SLC24A1: variants seen among roughly 807,000 people sequenced by gnomAD.
SLC24A1 encodes solute carrier family 24 member 1.
SLC24A1 carries 52 observed loss-of-function variants against 88.1 expected under a neutral mutation model. That is an observed-to-expected ratio of 0.59 (90% confidence interval 0.47 to 0.74). The LOEUF is 0.74. SLC24A1 is among the 30% of genes least tolerant of loss of function. The pLI, the probability that SLC24A1 is intolerant of heterozygous loss-of-function variation, is 0.00. For missense variants in SLC24A1, 1,173 were observed against 1,363.3 expected, an observed-to-expected ratio of 0.86 and a Z score of 2.20; for synonymous variants, 455 against 498.0, an observed-to-expected ratio of 0.91 and a Z score of 1.15.
downstream of SLC24A1, among the ~76,000 whole-genome samples, chr15:65,657,330 G>A (rs1032849390): frequency 6.6e-6 from 1 of 152,100 alleles, no homozygotes; most frequent in African/African-American, 2.4e-5. Context: ...GTATTATCTA[G>A]AGCACAGAAT....
In SLC24A1 at chr15:65,654,889, C is replaced by T. The variant is rs534866117; in HGVS notation, c.*810C>T. 1.4e-5 allele frequency: 17 copies of T among 1,178,654 alleles called. No homozygotes were observed. Among genetic ancestry groups the T allele is most frequent in the Middle Eastern group, 3.7e-4 (1 of 2,708 alleles). 73.0% of individuals were successfully genotyped at this position (1,178,654 alleles called of 1,614,324 possible). A position where few individuals can be genotyped will look rare whatever the true frequency, so the allele number is the denominator to read the frequency against. On this transcript the variant is annotated 3_prime_UTR_variant, in exon 10 of 10. Transcript: ENST00000261892. ...CTGGGATTACAGGCGTCAGCCACCG[C>T]GCCTGGCCTATACCAGTATTTTCTA...
downstream of SLC24A1, chr15:65,659,063 A>G (rs1235054128): frequency 6.6e-6 from 1 of 152,186 alleles, no homozygotes; most frequent in African/African-American, 2.4e-5. Context: ...TATTTGAAAT[A>G]CGATATGGAA....
upstream of SLC24A1, among the ~76,000 whole-genome samples, chr15:65,620,430 C>T (rs2074283641): frequency 6.6e-6 from 1 of 152,190 alleles, no homozygotes; most frequent in Admixed American, 6.5e-5. Context: ...CCCTATCAAA[C>T]AGGTAATGTC....
intron 2 of SLC24A1, among the ~76,000 whole-genome samples, chr15:65,630,074 C>T (rs1286330728): frequency 1.3e-5 from 2 of 152,186 alleles, no homozygotes; most frequent in East Asian, 3.8e-4. Flanking sequence ...AGGCAGTCTC[C>T]CTCCTCAGCC....
intron 5 of SLC24A1, among the ~76,000 whole-genome samples, chr15:65,645,065 C>T (rs2075260292): frequency 6.6e-6 from 1 of 152,182 alleles, no homozygotes; most frequent in African/African-American, 2.4e-5. Flanking sequence ...ACCCAGCAAC[C>T]CCTGGATGGA....
Position 65,624,813 on chromosome 15 carries a change from AC to A in SLC24A1, c.737del (p.Pro246GlnfsTer15), listed in dbSNP as rs1357744872. The A allele has an allele frequency of 6.2e-7, 1 of 1,613,810 alleles. No individual in the cohort carries two copies. The highest frequency in any genetic ancestry group is 8.5e-7 in the Non-Finnish European group (1 of 1,179,894). On this transcript the variant is annotated frameshift_variant, in exon 2 of 10. Transcript: ENST00000261892. LOFTEE classifies it high-confidence loss of function. ...TCTTAAGAGAATAATGGAGGAAACC[AC>A]CCCAACCACTCTCAAGGGAATGTTT... ...NSLKRIMEET[T>X]PTTLKGMFDS...
chr15:65,654,761 A>G lies in SLC24A1; in HGVS notation c.*682A>G. The G allele has an allele frequency of 8.7e-7, 1 of 1,145,136 alleles. No homozygotes were observed. The highest frequency in any genetic ancestry group is 1.2e-6 in the Non-Finnish European group (1 of 867,966). The allele number at this position is 1,145,136 out of a possible 1,614,324, so 70.9% of individuals were successfully genotyped here. A position where few individuals can be genotyped will look rare whatever the true frequency, so the allele number is the denominator to read the frequency against. ...GCTCTTGTTGCCCAGGCTGGTGTGCAATGGCGTGATCTCGGCACACCACAA... is the reference window on the plus strand; with the variant it reads ...GCTCTTGTTGCCCAGGCTGGTGTGCGATGGCGTGATCTCGGCACACCACAA... On this transcript the variant is annotated 3_prime_UTR_variant, in exon 10 of 10. Coordinates refer to ENST00000261892, the MANE Select transcript of SLC24A1 (RefSeq NM_004727.3).
At chr15:65,636,474 T>G (rs912273187) in intron 2 of SLC24A1, among the ~76,000 whole-genome samples, 3 of 151,910 alleles carry the variant, frequency 2.0e-5, no homozygotes, top group African/African-American at 7.3e-5. Flanking sequence ...CCCAGCTACT[T>G]GGGAGGCTGA....
intron 9 of SLC24A1, 23 bp downstream of exon 9, chr15:65,652,831 A>G (rs755231749): frequency 6.4e-7 from 1 of 1,565,948 alleles, no homozygotes; most frequent in East Asian, 2.3e-5. Context: ...GTAACTTTCT[A>G]AGGGGTGTTA....
chr15:65,616,851 G>A (rs1204468397), intron 2 of SLC24A1, among the ~76,000 whole-genome samples: 1 of 152,036 alleles, frequency 6.6e-6, no homozygotes, highest in Non-Finnish European at 1.5e-5. Context: ...GGGTTTTTAT[G>A]GTTTTAGGTC....
At chr15:65,642,049 G>A (rs116812872) in intron 4 of SLC24A1, among the ~76,000 whole-genome samples, 4 of 152,172 alleles carry the variant, frequency 2.6e-5, no homozygotes, top group Admixed American at 2.6e-4. Flanking sequence ...GCATGGAATG[G>A]CTCTCGTGAC....
intron 2 of SLC24A1, among the ~76,000 whole-genome samples, chr15:65,634,740 C>CAAAAAAAAAAAAAAAAAGAAA (rs2074848732): frequency 2.2e-4 from 20 of 90,504 alleles, no homozygotes; most frequent in African/African-American, 2.5e-4. Flanking sequence ...TCAAAAGCAC[C>CAAAAAAAAAAAAAAAAAGAAA]AAAAAAAAAA....
intron 1 of SLC24A1, among the ~76,000 whole-genome samples, chr15:65,623,572 A>G (rs985520436): frequency 2.0e-5 from 3 of 152,274 alleles, no homozygotes; most frequent in African/African-American, 7.2e-5. Context: ...CCTGCCTTTG[A>G]TAAGGTGAGA....
intron 2 of SLC24A1, among the ~76,000 whole-genome samples, chr15:65,613,502 G>GTA (rs2141372229): frequency 6.6e-6 from 1 of 152,036 alleles, no homozygotes; most frequent in African/African-American, 2.4e-5. Flanking sequence ...GTGTGTGTGT[G>GTA]TGGTGACAGG....
chr15:65,631,951 C>A (rs1222716101), intron 2 of SLC24A1, among the ~76,000 whole-genome samples: 1 of 152,152 alleles, frequency 6.6e-6, no homozygotes, highest in East Asian at 1.9e-4. Flanking sequence ...CCTGCCTCAG[C>A]CTCTCAAGTA....
rs2075601175 is a variant in SLC24A1, at chr15:65,654,137, A to G, written c.*58A>G. On this transcript the variant is annotated 3_prime_UTR_variant, in exon 10 of 10. Transcript: ENST00000261892. ...CAGAAGACCATGCAGAAGTTACTGTATCTCTTGTGACCCTAATGAAAGAAT... is the reference window on the plus strand; with the variant it reads ...CAGAAGACCATGCAGAAGTTACTGTGTCTCTTGTGACCCTAATGAAAGAAT... 3 of 1,572,450 alleles carry G rather than the reference A, an allele frequency of 1.9e-6. No individual in the cohort carries two copies. The highest frequency in any genetic ancestry group is 2.6e-6 in the Non-Finnish European group (3 of 1,159,276).
chr15:65,628,845 T>G (rs928325027), intron 2 of SLC24A1, among the ~76,000 whole-genome samples: 1 of 152,216 alleles, frequency 6.6e-6, no homozygotes, highest in Middle Eastern at 3.2e-3. Context: ...GAAAATTAAC[T>G]GCAATGAAGT....
intron 1 of SLC24A1, among the ~76,000 whole-genome samples, 153 bp downstream of exon 1, chr15:65,622,245 C>CG (rs1027222007): frequency 2.6e-5 from 4 of 152,130 alleles, no homozygotes; most frequent in South Asian, 2.1e-4. Flanking sequence ...TGGCAAGGAT[C>CG]GGGGGGCTGC....
chr15:65,630,956 G>C (rs1190776459), intron 2 of SLC24A1, among the ~76,000 whole-genome samples: 1 of 151,978 alleles, frequency 6.6e-6, no homozygotes, highest in Non-Finnish European at 1.5e-5. Context: ...GGGCAACAGA[G>C]CAAGACTCTG....
Sources: allele counts gnomAD v4.1 joint callset (sites outside exome capture counted in the v4.1 genomes callset), GRCh38; gene constraint gnomAD v4.1.1; transcripts MANE v1.5; gene names NCBI Gene and HGNC (gene_info 2026-07-23, HGNC 2026-07-21).